The following JAML variants were observed in gnomAD, a reference collection of about 807,000 sequenced individuals.
JAML encodes the protein junction adhesion molecule like.
In JAML, 25 loss-of-function variants were observed where a neutral mutation model predicts 39.3. The observed-to-expected ratio is 0.64, with a 90% CI of 0.46 to 0.89. The LOEUF (loss-of-function observed/expected upper bound fraction) is 0.89. Ranked by LOEUF, JAML falls within the 40% of genes least tolerant of loss-of-function variation. The pLI, the probability that JAML is intolerant of heterozygous loss-of-function variation, is 0.00. For synonymous variants in JAML, 162 were observed against 179.2 expected (o/e 0.90, Z 0.77); for missense variants, 440 against 486.9 (o/e 0.90, Z 0.91).
At chr11:118,203,742 G>T in intron 5 of JAML, 77 bp from the exon 6 acceptor site, 1 of 1,246,376 alleles carries the variant, frequency 8.0e-7, no homozygotes, top group East Asian at 2.3e-5. Context: ...GGGGAGGGAA[G>T]ATCTCAGGAC....
At chr11:118,195,223 A>C in intron 9 of JAML, among the ~76,000 whole-genome samples, 1 of 152,180 alleles carries the variant, frequency 6.6e-6, no homozygotes, top group East Asian at 1.9e-4. Flanking sequence ...ATCACATAAC[A>C]GTATGGGAGA....
At position 118,200,536 on chromosome 11, in the gene JAML, A is replaced by G; in HGVS notation, c.849T>C (p.Cys283=). The G allele has an allele frequency of 1.2e-6, 2 of 1,614,132 alleles. No individual in the cohort carries two copies. The highest frequency in any genetic ancestry group is 1.1e-5 in the South Asian group (1 of 91,078). The change falls in exon 7 of 10, where the codon TGT becomes TGC. Residue 283 remains cysteine (C), a synonymous_variant. Coordinates refer to ENST00000356289, the MANE Select transcript of JAML (RefSeq NM_001098526.2). The part of the protein sequence containing the change: ...NQLVIIVGIV[C]ATILLLPVLI... ...GAACAGGGAGCAGCAGGATTGTGGCACAGACAATTCCCACAATGATCACCA... is the reference window on the plus strand; with the variant it reads ...GAACAGGGAGCAGCAGGATTGTGGCGCAGACAATTCCCACAATGATCACCA...
At chr11:118,205,016 T>G (rs1186917010) in intron 5 of JAML, 3 of 152,138 alleles carry the variant, frequency 2.0e-5, no homozygotes, top group African/African-American at 7.2e-5. Flanking sequence ...TTTTCTCCTG[T>G]GAATCACTCA....
chr11:118,204,789 G>A (rs528099139), intron 5 of JAML: 1 of 151,962 alleles, frequency 6.6e-6, no homozygotes, highest in Non-Finnish European at 1.5e-5. Flanking sequence ...TTCCCATCAG[G>A]ACTGGGGCTT....
chr11:118,212,165 T>A (rs1949074937), intron 3 of JAML, among the ~76,000 whole-genome samples: 1 of 152,226 alleles, frequency 6.6e-6, no homozygotes, highest in Non-Finnish European at 1.5e-5. Flanking sequence ...ATTACCATTA[T>A]TGTAATTGCC....
chr11:118,199,325 C>T (rs773768321), intron 7 of JAML, among the ~76,000 whole-genome samples: 2 of 152,128 alleles, frequency 1.3e-5, no homozygotes, highest in African/African-American at 2.4e-5. Context: ...CTCAGTGCTC[C>T]GAGCATGCCC....
At chr11:118,206,881 T>C (rs991023680) in intron 4 of JAML, among the ~76,000 whole-genome samples, 3 of 152,240 alleles carry the variant, frequency 2.0e-5, no homozygotes, top group Non-Finnish European at 2.9e-5. Flanking sequence ...CAAAGTTGAT[T>C]AAGCAATGAA....
chr11:118,207,657 GT>G (rs11311957), intron 4 of JAML, among the ~76,000 whole-genome samples: 10,121 of 152,206 alleles, frequency 0.066, 1,130 homozygotes, highest in African/African-American at 0.23. Flanking sequence ...GAGTTGCCAT[GT>G]TGGTGGAGGC....
chr11:118,203,524 C>G lies in JAML; in HGVS notation c.676G>C (p.Glu226Gln). The change falls in exon 6 of 10, where the codon GAG becomes CAG. Residue 226 changes from glutamate to glutamine, a missense_variant. By Grantham distance (29) the Glu-to-Gln change is conservative. Transcript: ENST00000356289. The part of the protein sequence containing the change: ...DGSIMLQGVR[E>Q]SDGGNYTCSI... ...CAGGTGTAGTTTCCTCCATCTGACT[C>G]CCTCACTCCTTGAAGCATGATGGAA... 1.2e-6 allele frequency: 2 copies of G among 1,614,180 alleles called. No homozygotes were observed. The highest frequency in any genetic ancestry group is 1.3e-5 in the African/African-American group (1 of 75,028).
intron 4 of JAML, 51 bp from the exon 5 acceptor site, chr11:118,206,042 G>A (rs1216444458): frequency 2.7e-6 from 4 of 1,495,636 alleles, no homozygotes; most frequent in Non-Finnish European, 3.7e-6. Flanking sequence ...ATCTATAGAA[G>A]TCAAAGAATT....
At chr11:118,219,459 C>G (rs1949186009) in intron 1 of JAML, among the ~76,000 whole-genome samples, 1 of 152,140 alleles carries the variant, frequency 6.6e-6, no homozygotes, top group Non-Finnish European at 1.5e-5. Context: ...TGAGACATAG[C>G]TAATCAAACA....
chr11:118,204,361 G>A (rs1299047527), intron 5 of JAML: 1 of 153,102 alleles, frequency 6.5e-6, no homozygotes, highest in African/African-American at 2.4e-5. Flanking sequence ...GTTAAATCAT[G>A]TTACTCCTGT....
chr11:118,219,695 C>T (rs1370059567), intron 1 of JAML, among the ~76,000 whole-genome samples: 2 of 152,220 alleles, frequency 1.3e-5, no homozygotes, highest in Non-Finnish European at 1.5e-5. Context: ...CCGGTGACAT[C>T]GGCCCTAGCT....
chr11:118,203,529 AC>A lies in JAML; in HGVS notation c.670del (p.Val224Ter). 1 of 1,613,550 alleles carries A rather than the reference AC, an allele frequency of 6.2e-7. No individual in the cohort carries two copies. Among genetic ancestry groups the A allele is most frequent in the East Asian group, 2.2e-5 (1 of 44,850 alleles). On this transcript the variant is annotated frameshift_variant, in exon 6 of 10. Coordinates refer to ENST00000356289, the MANE Select transcript of JAML (RefSeq NM_001098526.2). LOFTEE classifies it high-confidence loss of function. Reference protein sequence around the residue: ...RNDGSIMLQGVRESDGGNYTC... With the variant: ...RNDGSIMLQGXRESDGGNYTC... ...GTAGTTTCCTCCATCTGACTCCCTC[AC>A]TCCTTGAAGCATGATGGAACCGTCA... is the stretch of plus-strand genomic sequence containing the variant.
At chr11:118,214,754 T>C (rs776264371) in intron 2 of JAML, 70 bp downstream of exon 2, 17 of 1,477,474 alleles carry the variant, frequency 1.2e-5, no homozygotes, top group Admixed American at 1.8e-5. Context: ...ATATGTAAAA[T>C]TGGCTTTTAA....
chr11:118,216,126 C>A (rs1262283825), intron 1 of JAML, among the ~76,000 whole-genome samples: 3 of 152,148 alleles, frequency 2.0e-5, no homozygotes, highest in African/African-American at 2.4e-5. Context: ...AATCCCAGCA[C>A]TTTGGGAGAC....
At chr11:118,203,813 A>C in intron 5 of JAML, 148 bp from the exon 6 acceptor site, 1 of 669,124 alleles carries the variant, frequency 1.5e-6, no homozygotes, top group Admixed American at 2.3e-5. Flanking sequence ...AATAACACAA[A>C]GTCATGTACA....
Position 118,200,587 on chromosome 11 carries a change from C to G in JAML, c.798G>C (p.Arg266Ser), listed in dbSNP as rs1219298154. Residue 266 changes from arginine to serine, a missense_variant, in exon 7 of 10, where the codon AGG (arginine) becomes AGC (serine). Physicochemically the swap from Arg to Ser is moderately radical, Grantham distance 110. Coordinates refer to ENST00000356289, the MANE Select transcript of JAML (RefSeq NM_001098526.2). ...PRTLVTPAAL[R>S]PLVLGGNQLV... ...ACTGATTACCACCCAAGACCAGAGG[C>G]CTCAGGGCTGCCGGGGTCACCAGTG... is the stretch of plus-strand genomic sequence containing the variant. The G allele has an allele frequency of 1.2e-6, 2 of 1,614,126 alleles. No individual in the cohort carries two copies. The highest frequency in any genetic ancestry group is 1.7e-6 in the Non-Finnish European group (2 of 1,180,010).
At chr11:118,218,621 A>G (rs544919615) in intron 1 of JAML, among the ~76,000 whole-genome samples, 22 of 152,344 alleles carry the variant, frequency 1.4e-4, no homozygotes, top group African/African-American at 4.6e-4. Context: ...AAATGAGTTC[A>G]TAACACCTTG....
Sources: allele counts gnomAD v4.1 joint callset (sites outside exome capture counted in the v4.1 genomes callset), GRCh38; gene constraint gnomAD v4.1.1; transcripts MANE v1.5; gene names NCBI Gene and HGNC (gene_info 2026-07-23, HGNC 2026-07-21).